Variants in TESC observed in about 807,000 individuals in gnomAD.
TESC encodes tescalcin.
A neutral mutation model predicts 31.0 loss-of-function variants in TESC; 19 were observed. That is an observed-to-expected ratio of 0.61 (90% CI 0.43 to 0.90). The LOEUF is 0.90. Among genes scored for constraint, TESC ranks in the 40% least tolerant of loss-of-function variants. The pLI is 0.00. For missense variants in TESC, 248 were observed against 303.8 expected (o/e 0.82, Z 1.36); for synonymous variants, 109 against 114.8 (o/e 0.95, Z 0.32).
Position 117,075,905 on chromosome 12 carries a change from A to ATG in TESC, c.59-566_59-565insCA, listed in dbSNP as rs1565971589. Among the ~76,000 whole-genome samples the ATG allele has an allele frequency of 6.1e-4, 47 of 76,688 alleles. 1 individual carries two copies. Among genetic ancestry groups the ATG allele is most frequent in the East Asian group, 3.5e-3 (11 of 3,120 alleles). 50.3% of individuals were successfully genotyped at this position (76,688 alleles called of 152,430 possible). ...TATATATATATATATATATATATAT[A>ATG]TATATATATGTGTGTGTGTATATAT... On this transcript the variant is annotated intron_variant, in intron 1 of 7. Coordinates refer to ENST00000335209, the MANE Select transcript of TESC (RefSeq NM_017899.4).
intron 3 of TESC, among the ~76,000 whole-genome samples, chr12:117,050,016 C>T (rs1368582536): frequency 2.6e-5 from 4 of 151,766 alleles, no homozygotes; most frequent in African/African-American, 9.7e-5. Flanking sequence ...TTCAGTGGTG[C>T]AGCCTCAAAC....
chr12:117,095,980 C>T (rs1955388824), intron 1 of TESC, among the ~76,000 whole-genome samples: 1 of 147,882 alleles, frequency 6.8e-6, no homozygotes, highest in South Asian at 2.2e-4. Context: ...TGCAGGCAAG[C>T]TGGTTTACCT....
At chr12:117,060,345 G>A (rs7297446) in intron 2 of TESC, among the ~76,000 whole-genome samples, 7,090 of 152,152 alleles carry the variant, frequency 0.047, 300 homozygotes, top group East Asian at 0.19. Context: ...TGGGAGCCGG[G>A]AACATTCTGT....
chr12:117,070,845 C>T (rs1390507636), intron 2 of TESC, among the ~76,000 whole-genome samples: 2 of 152,126 alleles, frequency 1.3e-5, no homozygotes, highest in Non-Finnish European at 2.9e-5. Context: ...GTGGCACACA[C>T]CTGTAGTCCC....
intron 2 of TESC, among the ~76,000 whole-genome samples, chr12:117,073,433 T>G (rs1222188991): frequency 6.6e-6 from 1 of 151,500 alleles, no homozygotes; most frequent in African/African-American, 2.4e-5. Context: ...GCAATCAAAC[T>G]GAGACCAGAG....
intron 2 of TESC, among the ~76,000 whole-genome samples, chr12:117,070,841 C>T (rs1954960767): frequency 1.3e-5 from 2 of 152,122 alleles, no homozygotes; most frequent in Non-Finnish European, 2.9e-5. Context: ...TGTGGTGGCA[C>T]ACACCTGTAG....
intron 3 of TESC, among the ~76,000 whole-genome samples, chr12:117,052,870 G>A (rs1954667559): frequency 6.6e-6 from 1 of 152,062 alleles, no homozygotes; most frequent in African/African-American, 2.4e-5. Flanking sequence ...CACTCCAAGT[G>A]CAGCCGGAAT....
At chr12:117,048,977 A>G in intron 4 of TESC, 42 bp downstream of exon 4, 1 of 1,613,264 alleles carries the variant, frequency 6.2e-7, no homozygotes, top group Non-Finnish European at 8.5e-7. Context: ...GGGAGGCTGC[A>G]CCCCAGGCCA....
At chr12:117,072,634 G>A (rs1954989777) in intron 2 of TESC, among the ~76,000 whole-genome samples, 1 of 152,212 alleles carries the variant, frequency 6.6e-6, no homozygotes, top group Non-Finnish European at 1.5e-5. Flanking sequence ...TAAGTCCAAG[G>A]CAGTTTGTTA....
chr12:117,086,503 C>G (rs1315964113), intron 1 of TESC, among the ~76,000 whole-genome samples: 1 of 152,196 alleles, frequency 6.6e-6, no homozygotes. Context: ...ACGATCACAG[C>G]TCACAGCAGC....
chr12:117,048,003 T>TA (rs1223174114), intron 4 of TESC, among the ~76,000 whole-genome samples: 3 of 151,864 alleles, frequency 2.0e-5, no homozygotes, highest in African/African-American at 7.3e-5. Context: ...CTCAGCCTCC[T>TA]AAAGTGCTGG....
intron 1 of TESC, among the ~76,000 whole-genome samples, chr12:117,088,366 A>C (rs1047000106): frequency 6.6e-6 from 1 of 152,102 alleles, no homozygotes; most frequent in Non-Finnish European, 1.5e-5. Context: ...AGGCCAAATC[A>C]AGCATAAACA....
At chr12:117,066,608 G>A (rs531623273) in intron 2 of TESC, among the ~76,000 whole-genome samples, 14 of 151,860 alleles carry the variant, frequency 9.2e-5, no homozygotes, top group South Asian at 2.1e-4. Flanking sequence ...CTCGTGATCC[G>A]CCCGCCTCAG....
At chr12:117,051,817 G>A (rs959911322) in intron 3 of TESC, among the ~76,000 whole-genome samples, 2 of 152,166 alleles carry the variant, frequency 1.3e-5, no homozygotes, top group Non-Finnish European at 2.9e-5. Flanking sequence ...TGCTCCCGCA[G>A]GTCTGAAGAG....
chr12:117,038,936 CTTTTT>C lies in TESC; in HGVS notation c.*192_*196del, dbSNP rs543223333. The C allele has an allele frequency of 2.1e-5, 10 of 480,678 alleles. No homozygotes were observed. The Middle Eastern group carries it at 1.7e-3, about 80-fold the overall frequency. The allele number at this position is 480,678 out of a possible 1,614,324, so 29.8% of individuals were successfully genotyped here. A position where few individuals can be genotyped will look rare whatever the true frequency, so the allele number is the denominator to read the frequency against. On this transcript the variant is annotated 3_prime_UTR_variant, in exon 8 of 8. Coordinates refer to ENST00000335209, the MANE Select transcript of TESC (RefSeq NM_017899.4). ...ACAGAGGCCACATTAATTAACAAAC[CTTTTT>C]TTTTTTTTTATTGGAGATAAAAACA...
chr12:117,046,547 AG>A lies in TESC; in HGVS notation c.519+11del. ...GCACTGCGCGTCTCGGGAGGGCTGC[AG>A]GGGCGCTCACCATCTGCCCCATGCA... On this transcript the variant is annotated intron_variant, in intron 6 of 7. Transcript: ENST00000335209. 6.5e-7 allele frequency: 1 copy of A among 1,545,972 alleles called. No homozygotes were observed. The highest frequency in any genetic ancestry group is 1.2e-5 in the South Asian group (1 of 83,808).
At chr12:117,057,006 G>T in intron 2 of TESC, 120 bp from the exon 3 acceptor site, 1 of 927,992 alleles carries the variant, frequency 1.1e-6, no homozygotes, top group Non-Finnish European at 1.7e-6. Flanking sequence ...CACAAGAATA[G>T]TTCAGAGTTA....
Position 117,046,673 on chromosome 12 carries a change from G to A in TESC, c.412-7C>T, listed in dbSNP as rs1419355075. ...ACAGCAGCTCCTCGACCACCTGCCA[G>A]GTGGGGCGGAAACAAACGGTGACCT... is the stretch of plus-strand genomic sequence containing the variant. On this transcript the variant is annotated splice_polypyrimidine_tract_variant and splice_region_variant and intron_variant, in intron 5 of 7. Transcript: ENST00000335209. The A allele has an allele frequency of 1.3e-6, 2 of 1,552,096 alleles. No homozygotes were observed. The highest frequency in any genetic ancestry group is 2.4e-5 in the East Asian group (1 of 40,976).
chr12:117,067,909 C>A (rs1954910117), intron 2 of TESC, among the ~76,000 whole-genome samples: 2 of 151,840 alleles, frequency 1.3e-5, no homozygotes, highest in Non-Finnish European at 2.9e-5. Context: ...GCTTTTTTTT[C>A]TTTTTGAGAC....
Sources: gnomAD v4.1 joint callset for allele counts (sites outside exome capture counted in the v4.1 genomes callset) on GRCh38, gnomAD v4.1.1 for gene constraint, MANE v1.5 for transcripts, NCBI Gene and HGNC (gene_info 2026-07-23, HGNC 2026-07-21) for gene names.